CACNA2D3: variants seen among roughly 807,000 people sequenced by gnomAD.
CACNA2D3 encodes the protein calcium voltage-gated channel auxiliary subunit alpha2delta 3, also known as voltage-dependent calcium channel subunit alpha-2/delta-3.
CACNA2D3 carries 60 observed loss-of-function variants against 160.6 expected under a neutral mutation model. The ratio of observed to expected loss-of-function variants is 0.37; its 90% confidence interval spans 0.30 to 0.46. The LOEUF is 0.46. Ranked by LOEUF, CACNA2D3 falls within the 20% of genes least tolerant of loss-of-function variation. The pLI is 1.00. For missense variants in CACNA2D3, 1,205 were observed against 1,365.0 expected, an observed-to-expected ratio of 0.88 and a Z score of 1.85; for synonymous variants, 558 against 492.9, an observed-to-expected ratio of 1.13 and a Z score of -1.75.
chr3:54,631,236 A>ACACACACACACACACAC (rs1559532534), intron 10 of CACNA2D3, among the ~76,000 whole-genome samples: 3 of 151,518 alleles, frequency 2.0e-5, no homozygotes, highest in African/African-American at 7.3e-5. Flanking sequence ...ACACACACAC[A>ACACACACACACACACAC]AAGATAAATG....
At chr3:54,630,143 C>A (rs555642996) in intron 10 of CACNA2D3, among the ~76,000 whole-genome samples, 1 of 152,118 alleles carries the variant, frequency 6.6e-6, no homozygotes, top group Non-Finnish European at 1.5e-5. Context: ...GTCCCTTTCT[C>A]GTGGGGTTGA....
At chr3:54,818,233 A>G (rs891557399) in intron 14 of CACNA2D3, among the ~76,000 whole-genome samples, 1 of 152,238 alleles carries the variant, frequency 6.6e-6, no homozygotes, top group South Asian at 2.1e-4. Context: ...TATGTCACCC[A>G]GGCTGGAGTG....
At chr3:54,144,714 T>C (rs1477317901) in intron 2 of CACNA2D3, among the ~76,000 whole-genome samples, 1 of 152,244 alleles carries the variant, frequency 6.6e-6, no homozygotes, top group African/African-American at 2.4e-5. Context: ...ACTCAACTTA[T>C]TTGAGTTTTA....
chr3:54,928,148 G>T, intron 27 of CACNA2D3: 1 of 531,178 alleles, frequency 1.9e-6, no homozygotes. Flanking sequence ...AGGATCTTGG[G>T]ATCGTGCCCC....
chr3:54,193,584 G>GA (rs950776292), intron 2 of CACNA2D3, among the ~76,000 whole-genome samples: 47 of 152,086 alleles, frequency 3.1e-4, no homozygotes, highest in African/African-American at 1.1e-3. Context: ...TCTAGATGAG[G>GA]AAAAAAGGAG....
intron 2 of CACNA2D3, among the ~76,000 whole-genome samples, chr3:54,293,941 C>T (rs911422910): frequency 6.6e-6 from 1 of 152,150 alleles, no homozygotes; most frequent in Non-Finnish European, 1.5e-5. Context: ...ATGCCTGAAA[C>T]ATTTAAATGC....
At chr3:54,341,679 AG>A (rs1324710580) in intron 3 of CACNA2D3, among the ~76,000 whole-genome samples, 2 of 152,186 alleles carry the variant, frequency 1.3e-5, no homozygotes, top group African/African-American at 4.8e-5. Context: ...AGCAATTGAT[AG>A]CTACTAGGTA....
At chr3:54,336,004 CAAAAAAAA>C (rs60465412) in intron 3 of CACNA2D3, among the ~76,000 whole-genome samples, 2 of 74,548 alleles carry the variant, frequency 2.7e-5, no homozygotes, top group African/African-American at 5.1e-5. Context: ...GACTCCGTCT[CAAAAAAAA>C]AAAAAAAAAA....
At chr3:54,782,321 T>C (rs1702551619) in intron 13 of CACNA2D3, among the ~76,000 whole-genome samples, 1 of 152,208 alleles carries the variant, frequency 6.6e-6, no homozygotes, top group Non-Finnish European at 1.5e-5. Flanking sequence ...AAGGTTTCTT[T>C]TGTGAAATGG....
intron 11 of CACNA2D3, among the ~76,000 whole-genome samples, chr3:54,663,029 A>G (rs1190949252): frequency 6.6e-6 from 1 of 152,198 alleles, no homozygotes; most frequent in Non-Finnish European, 1.5e-5. Flanking sequence ...TCCAGGAACC[A>G]ATGAGGGAAA....
At chr3:54,787,083 T>C (rs1462062466) in intron 13 of CACNA2D3, among the ~76,000 whole-genome samples, 1 of 152,240 alleles carries the variant, frequency 6.6e-6, no homozygotes, top group Non-Finnish European at 1.5e-5. Context: ...TTCAGAGCTT[T>C]TCCCTTCTTG....
chr3:54,763,908 G>A (rs1200491726), intron 12 of CACNA2D3, among the ~76,000 whole-genome samples: 1 of 64,826 alleles, frequency 1.5e-5, no homozygotes, highest in East Asian at 4.4e-4. Context: ...GGGGGGGGGG[G>A]TGCATATAAA....
chr3:54,741,568 C>A lies in CACNA2D3; in HGVS notation c.1168-11031C>A, dbSNP rs148536699. 2.5e-3 allele frequency among the ~76,000 whole-genome samples: 382 copies of A among 150,528 alleles called. 5 individuals are homozygous for A. The highest frequency in any genetic ancestry group is 7.7e-3 in the African/African-American group (317 of 41,034). On this transcript the variant is annotated intron_variant, in intron 11 of 37. Transcript: ENST00000474759. ...GACCAGCCTGGCCAACATGGTGAAA[C>A]CCCATCTAAAGAAAAAAAAATAATA... is the stretch of plus-strand genomic sequence containing the variant.
rs548979455 is a variant in CACNA2D3, at chr3:54,335,195, A to G, written c.321+14637A>G. Among the ~76,000 whole-genome samples, 21 of 152,338 alleles carry G rather than the reference A, an allele frequency of 1.4e-4. No homozygotes were observed. The South Asian group carries it at 4.1e-3, about 30-fold the overall frequency. ...AAATTCAGCTATGGCAAATGCTACT[A>G]TTGCAGGACAGGGGTCCCAATCCAG... is the stretch of plus-strand genomic sequence containing the variant. On this transcript the variant is annotated intron_variant, in intron 3 of 37. Coordinates refer to ENST00000474759, the MANE Select transcript of CACNA2D3 (RefSeq NM_018398.3).
intron 4 of CACNA2D3, among the ~76,000 whole-genome samples, chr3:54,462,551 A>G (rs977921683): frequency 5.3e-5 from 8 of 151,924 alleles, no homozygotes; most frequent in Non-Finnish European, 7.4e-5. Flanking sequence ...GTCTCTTTTG[A>G]TCTTTGTTGG....
intron 11 of CACNA2D3, among the ~76,000 whole-genome samples, chr3:54,678,951 A>G (rs1700294915): frequency 6.6e-6 from 1 of 152,198 alleles, no homozygotes; most frequent in South Asian, 2.1e-4. Flanking sequence ...CAAGATTTCA[A>G]AATTCAGGAA....
Position 54,868,501 on chromosome 3 carries a change from A to C in CACNA2D3, c.1627-3038A>C, listed in dbSNP as rs150750940. On this transcript the variant is annotated intron_variant, in intron 17 of 37. Coordinates refer to ENST00000474759, the MANE Select transcript of CACNA2D3 (RefSeq NM_018398.3). ...CTTGAATACCTTTTTGGTGAAATAT[A>C]CTGTATTTATTGAGAGATTATAAAA... Among the ~76,000 whole-genome samples the C allele has an allele frequency of 4.2e-3, 633 of 152,276 alleles. 2 individuals carry two copies. Among genetic ancestry groups the C allele is most frequent in the African/African-American group, 0.014 (597 of 41,546 alleles).
At chr3:54,430,078 CCATAGTATGAATTAAT>C (rs1457838257) in intron 4 of CACNA2D3, among the ~76,000 whole-genome samples, 1 of 152,160 alleles carries the variant, frequency 6.6e-6, no homozygotes, top group African/African-American at 2.4e-5. Flanking sequence ...CTGAGTTCCA[CCATAGTATGAATTAAT>C]CATATTTAAT....
At chr3:54,982,712 GTT>G (rs77264838) in intron 29 of CACNA2D3, among the ~76,000 whole-genome samples, 2 of 142,868 alleles carry the variant, frequency 1.4e-5, no homozygotes, top group African/African-American at 2.5e-5. Context: ...CCATTTTTAT[GTT>G]TTTTTTTTTT....
Sources: allele counts gnomAD v4.1 joint callset (sites outside exome capture counted in the v4.1 genomes callset), GRCh38; gene constraint gnomAD v4.1.1; transcripts MANE v1.5; gene names NCBI Gene and HGNC (gene_info 2026-07-23, HGNC 2026-07-21).